GLIPR1L1: variants seen among roughly 807,000 people sequenced by gnomAD.
The protein encoded by GLIPR1L1 is GLIPR1-like protein 1.
GLIPR1L1 carries 26 observed loss-of-function variants against 29.9 expected under a neutral mutation model. The ratio of observed to expected loss-of-function variants is 0.87; its 90% CI spans 0.64 to 1.21. GLIPR1L1 has a LOEUF of 1.21. Ranked by LOEUF, GLIPR1L1 falls within the 50% of genes most tolerant of loss-of-function variation. The probability of loss-of-function intolerance (pLI) is 0.00; values close to 1 mark genes in which losing one functional copy is unlikely to be tolerated. For synonymous variants in GLIPR1L1, 77 were observed against 97.5 expected, an observed-to-expected ratio of 0.79 and a Z score of 1.24; for missense variants, 305 against 290.3, an observed-to-expected ratio of 1.05 and a Z score of -0.37.
intron 4 of GLIPR1L1, chr12:75,366,906 T>A (rs2044004503): frequency 2.8e-6 from 2 of 701,766 alleles, no homozygotes; most frequent in African/African-American, 3.5e-5. Context: ...GGCCACTGCA[T>A]GTCAAAAGGG....
intron 3 of GLIPR1L1, among the ~76,000 whole-genome samples, chr12:75,362,621 T>A (rs953606378): frequency 1.3e-5 from 2 of 152,160 alleles, no homozygotes; most frequent in African/African-American, 4.8e-5. Context: ...AGATAGAAGA[T>A]AAAGAGGCTT....
chr12:75,368,809 C>A (rs1280518968), intron 4 of GLIPR1L1, among the ~76,000 whole-genome samples: 3 of 151,698 alleles, frequency 2.0e-5, no homozygotes, highest in Non-Finnish European at 4.4e-5. Context: ...CTCTATAAAG[C>A]TATTTTGTTC....
intron 3 of GLIPR1L1, among the ~76,000 whole-genome samples, chr12:75,358,343 T>C (rs1265559314): frequency 1.3e-5 from 2 of 151,928 alleles, no homozygotes; most frequent in Non-Finnish European, 2.9e-5. Context: ...ATTTAGCTAT[T>C]GAATCCAACA....
intron 4 of GLIPR1L1, chr12:75,369,358 C>A (rs2044204044): frequency 1.0e-5 from 2 of 199,590 alleles, no homozygotes; most frequent in Non-Finnish European, 1.8e-5. Context: ...TTTCTCTCCT[C>A]ATTTTTCCAC....
rs772623244 is a variant in GLIPR1L1, at chr12:75,363,172, T to C, written c.592T>C (p.Cys198Arg). ...SCSLCSKEEK[C>R]VKNLCRTPQL... ...CTCTCTCTGCTCAAAAGAAGAGAAA[T>C]GTGTAAAGAACCTCTGCAGTAAGCA... The change falls in exon 4 of 6, where the codon TGT becomes CGT. Residue 198 changes from cysteine to arginine, a missense_variant. Physicochemically the swap from Cys to Arg is radical, Grantham distance 180. Transcript: ENST00000378695. 6.5e-7 allele frequency: 1 copy of C among 1,536,112 alleles called. No homozygotes were observed. The highest frequency in any genetic ancestry group is 8.7e-7 in the Non-Finnish European group (1 of 1,145,540).
At chr12:75,360,359 C>T (rs959489379) in intron 3 of GLIPR1L1, 21 of 152,138 alleles carry the variant, frequency 1.4e-4, no homozygotes, top group Non-Finnish European at 2.9e-4. Context: ...AAGGCAAGTC[C>T]CTTCTGCCTA....
chr12:75,343,455 C>G (rs2042248882), intron 1 of GLIPR1L1, among the ~76,000 whole-genome samples: 1 of 151,810 alleles, frequency 6.6e-6, no homozygotes, highest in African/African-American at 2.4e-5. Context: ...TCTAATGTAC[C>G]AGGCCATCTG....
chr12:75,340,357 T>A (rs1441878028), intron 1 of GLIPR1L1, among the ~76,000 whole-genome samples: 2 of 151,784 alleles, frequency 1.3e-5, no homozygotes, highest in Non-Finnish European at 2.9e-5. Context: ...GCAAGGATAG[T>A]CTATTCAAGA....
intron 1 of GLIPR1L1, among the ~76,000 whole-genome samples, chr12:75,335,740 A>C (rs552575580): frequency 1.3e-5 from 2 of 152,112 alleles, no homozygotes; most frequent in Non-Finnish European, 2.9e-5. Context: ...TGTATCAGAA[A>C]TGAAACAAGA....
intron 4 of GLIPR1L1, chr12:75,366,723 T>G (rs1481392578): frequency 6.8e-6 from 4 of 591,378 alleles, no homozygotes; most frequent in Non-Finnish European, 1.2e-5. Context: ...GTGCTGATTT[T>G]GGGTGAGACT....
rs61616225 is a variant in GLIPR1L1, at chr12:75,359,357, C to CTTTTTTTTTTTTTTTTTTTTTTTT, written c.522-3738_522-3715dup. On this transcript the variant is annotated intron_variant, in intron 3 of 5. Coordinates refer to ENST00000378695, the MANE Select transcript of GLIPR1L1 (RefSeq NM_001304964.2). ...GAGTTAGAAGACTCAGCATTGTTGT[C>CTTTTTTTTTTTTTTTTTTTTTTTT]TTTTTTTTTTTTTTTTTTTTTTTTT... 7.0e-5 allele frequency among the ~76,000 whole-genome samples: 2 copies of CTTTTTTTTTTTTTTTTTTTTTTTT among 28,600 alleles called. 1 individual carries two copies. Among genetic ancestry groups the CTTTTTTTTTTTTTTTTTTTTTTTT allele is most frequent in the Non-Finnish European group, 1.3e-4 (2 of 15,184 alleles). The allele number at this position is 28,600 out of a possible 152,430, so 18.8% of individuals were successfully genotyped here. A position where few individuals can be genotyped will look rare whatever the true frequency, so the allele number is the denominator to read the frequency against.
In GLIPR1L1 at chr12:75,334,700, G is replaced by GGCATCCTCC. The variant is rs2041592120; in HGVS notation, c.-19_-11dup. On this transcript the variant is annotated 5_prime_UTR_variant, in exon 1 of 6. Transcript: ENST00000378695. The stretch of plus-strand genomic sequence containing the variant: ...AGCCGTTACTGGTCCGCGCAGTCAG[G>GGCATCCTCC]GCATCCTCCGCATCCTCCACATCCT... 2 of 1,600,450 alleles carry GGCATCCTCC rather than the reference G, an allele frequency of 1.2e-6. No homozygotes were observed. The highest frequency in any genetic ancestry group is 3.4e-5 in the Admixed American group (2 of 59,178).
At chr12:75,334,991 T>C in intron 1 of GLIPR1L1, 89 bp downstream of exon 1, 1 of 1,282,876 alleles carries the variant, frequency 7.8e-7, no homozygotes, top group Non-Finnish European at 1.1e-6. Flanking sequence ...CTTGTACTAA[T>C]TCAATCCGGA....
intron 4 of GLIPR1L1, chr12:75,369,670 A>G: frequency 1.0e-6 from 1 of 984,914 alleles, no homozygotes; most frequent in South Asian, 4.7e-5. Flanking sequence ...TGGGAATGAA[A>G]GAGTGGGAAA....
chr12:75,352,710 G>C (rs1320078729), intron 3 of GLIPR1L1, among the ~76,000 whole-genome samples: 4 of 152,178 alleles, frequency 2.6e-5, no homozygotes, highest in African/African-American at 4.8e-5. Flanking sequence ...ATTCTTCTCA[G>C]TGCCACAAGG....
chr12:75,335,140 G>A (rs929641487), intron 1 of GLIPR1L1, among the ~76,000 whole-genome samples: 7 of 152,160 alleles, frequency 4.6e-5, no homozygotes, highest in African/African-American at 1.7e-4. Context: ...TGCTGGAGCA[G>A]TGTTTGGAAG....
chr12:75,363,568 T>C (rs1267232236), intron 4 of GLIPR1L1, among the ~76,000 whole-genome samples: 1 of 152,178 alleles, frequency 6.6e-6, no homozygotes, highest in Non-Finnish European at 1.5e-5. Flanking sequence ...AAAGTAATTA[T>C]GATTTAAAAC....
rs2044266486 is a variant in GLIPR1L1, at chr12:75,370,162, CT to C, written c.716del (p.Leu239ArgfsTer21). ...FNPFSLGFLL[L>X]RIF ...TCCATTCAGCTTAGGTTTTCTTCTTCTGAGAATCTTTTAATGTCATTTATAT... is the reference window on the plus strand; with the variant it reads ...TCCATTCAGCTTAGGTTTTCTTCTTCGAGAATCTTTTAATGTCATTTATAT... On this transcript the variant is annotated frameshift_variant, in exon 6 of 6. Transcript: ENST00000378695. LOFTEE classifies it high-confidence loss of function. The C allele has an allele frequency of 6.4e-7, 1 of 1,550,424 alleles. No homozygotes were observed. The highest frequency in any genetic ancestry group is 1.7e-5 in the Admixed American group (1 of 59,824).
At chr12:75,336,323 T>C (rs930932989) in intron 1 of GLIPR1L1, among the ~76,000 whole-genome samples, 4 of 151,754 alleles carry the variant, frequency 2.6e-5, no homozygotes, top group Non-Finnish European at 5.9e-5. Context: ...AAATAGCAAA[T>C]GGTAGACTAA....
Sources: allele counts gnomAD v4.1 joint callset (sites outside exome capture counted in the v4.1 genomes callset), GRCh38; gene constraint gnomAD v4.1.1; transcripts MANE v1.5; gene names NCBI Gene and HGNC (gene_info 2026-07-23, HGNC 2026-07-21).